The following MPHOSPH8 variants were observed in gnomAD, a reference collection of about 807,000 sequenced individuals.
The protein encoded by MPHOSPH8 is M-phase phosphoprotein 8, also known as M-phase phosphoprotein, mpp.
A neutral mutation model predicts 87.3 loss-of-function variants in MPHOSPH8; 45 were observed. The ratio of observed to expected loss-of-function variants is 0.52; its 90% CI spans 0.41 to 0.66. The LOEUF is 0.66. Ranked by LOEUF, MPHOSPH8 falls within the 30% of genes least tolerant of loss-of-function variation. The probability of loss-of-function intolerance (pLI) is 0.00; values close to 1 mark genes in which losing one functional copy is unlikely to be tolerated. For missense variants in MPHOSPH8, 883 were observed against 1,020.2 expected, an observed-to-expected ratio of 0.87 and a Z score of 1.83; for synonymous variants, 366 against 376.9, an observed-to-expected ratio of 0.97 and a Z score of 0.33.
chr13:19,640,882 T>C (rs1874251451), intron 1 of MPHOSPH8, among the ~76,000 whole-genome samples: 1 of 152,190 alleles, frequency 6.6e-6, no homozygotes, highest in African/African-American at 2.4e-5. Context: ...TGAAAAGTTA[T>C]AACAAAAAGT....
At position 19,646,865 on chromosome 13, in the gene MPHOSPH8, T is replaced by C; in HGVS notation, c.792T>C (p.Ser264=). Residue 264 remains serine, a synonymous_variant, in exon 3 of 14, where the codon TCT becomes TCC. Coordinates refer to ENST00000361479, the MANE Select transcript of MPHOSPH8 (RefSeq NM_017520.4). ...KEKFVESQVE[S]ESSVLNDSPF... is the part of the protein sequence containing the mutation. The stretch of plus-strand genomic sequence containing the variant: ...AATTTGTCGAATCCCAGGTGGAATC[T>C]GAATCAAGTGTACTTAATGATTCTC... 1.2e-6 allele frequency: 2 copies of C among 1,605,986 alleles called. No homozygotes were observed. Among genetic ancestry groups the C allele is most frequent in the Non-Finnish European group, 1.7e-6 (2 of 1,178,284 alleles).
At chr13:19,638,827 G>A (rs1212972468) in intron 1 of MPHOSPH8, among the ~76,000 whole-genome samples, 4 of 152,006 alleles carry the variant, frequency 2.6e-5, no homozygotes, top group African/African-American at 7.3e-5. Context: ...AATCAGGCAA[G>A]TGTTAAGTGT....
chr13:19,640,787 C>G (rs532187682), intron 1 of MPHOSPH8, among the ~76,000 whole-genome samples: 2 of 150,994 alleles, frequency 1.3e-5, no homozygotes, highest in African/African-American at 2.4e-5. Context: ...TTTATAAGTA[C>G]AAAAAAAATG....
chr13:19,636,236 A>T (rs1874000028), intron 1 of MPHOSPH8, among the ~76,000 whole-genome samples: 1 of 152,172 alleles, frequency 6.6e-6, no homozygotes, highest in Non-Finnish European at 1.5e-5. Context: ...GCCATTGACA[A>T]ACTTAAGGGT....
chr13:19,634,041 G>A, intron 1 of MPHOSPH8, 80 bp downstream of exon 1: 1 of 1,420,850 alleles, frequency 7.0e-7, no homozygotes, highest in Non-Finnish European at 9.7e-7. Flanking sequence ...AAACAGCACG[G>A]GCAGACCCAA....
chr13:19,657,803 T>C (rs1446294993), intron 5 of MPHOSPH8, among the ~76,000 whole-genome samples: 2 of 152,088 alleles, frequency 1.3e-5, no homozygotes, highest in Admixed American at 1.3e-4. Flanking sequence ...CCACAATCTT[T>C]CCACATTGCT....
chr13:19,672,175 G>A lies in MPHOSPH8; in HGVS notation c.*300G>A, dbSNP rs1348849067. ...TTCTTTTTTCTGGAGACGGAGTTTC[G>A]CTCTTGTTGCCCAGGCTGGAGTGCA... On this transcript the variant is annotated 3_prime_UTR_variant, in exon 14 of 14. Transcript: ENST00000361479. The A allele has an allele frequency of 6.9e-6, 2 of 287,840 alleles. No individual in the cohort carries two copies. Among genetic ancestry groups the A allele is most frequent in the Non-Finnish European group, 1.3e-5 (2 of 150,790 alleles). The allele number at this position is 287,840 out of a possible 1,614,324, so 17.8% of individuals were successfully genotyped here.
intron 5 of MPHOSPH8, among the ~76,000 whole-genome samples, chr13:19,655,765 C>T (rs1020584205): frequency 5.9e-5 from 9 of 152,076 alleles, no homozygotes; most frequent in African/African-American, 2.2e-4. Flanking sequence ...AAGGTCTACT[C>T]AGTACAGTAA....
At chr13:19,660,101 C>T (rs1875438092) in intron 7 of MPHOSPH8, among the ~76,000 whole-genome samples, 1 of 151,236 alleles carries the variant, frequency 6.6e-6, no homozygotes, top group Non-Finnish European at 1.5e-5. Flanking sequence ...AGCTGGACTA[C>T]AGTTGCCTGC....
At chr13:19,666,632 A>G in intron 10 of MPHOSPH8, 53 bp downstream of exon 10, 1 of 1,469,874 alleles carries the variant, frequency 6.8e-7, no homozygotes, top group Non-Finnish European at 9.2e-7. Flanking sequence ...ACATCTGTTT[A>G]TGTAGACATA....
chr13:19,663,257 G>A (rs950750772), intron 9 of MPHOSPH8, 131 bp downstream of exon 9: 32 of 772,896 alleles, frequency 4.1e-5, no homozygotes, highest in Non-Finnish European at 6.1e-5. Context: ...AGAGTCAGCC[G>A]CTTGCAGGGG....
rs1565941804 is a variant in MPHOSPH8, at chr13:19,661,709, A to C, written c.1803A>C (p.Gly601=). The C allele has an allele frequency of 1.2e-6, 2 of 1,600,764 alleles. No individual in the cohort carries two copies. Among genetic ancestry groups the C allele is most frequent in the Non-Finnish European group, 1.7e-6 (2 of 1,171,382 alleles). ...EYNLDQEDSS[G]MTLVMLAAAG... ...ACAAACCAACACAGGATTCCAGTGG[A>C]ATGACACTGGTGATGCTTGCCGCCG... is the stretch of plus-strand genomic sequence containing the variant. The change falls in exon 8 of 14, where the codon GGA becomes GGC. Residue 601 remains glycine (G), a synonymous_variant. Transcript: ENST00000361479.
chr13:19,654,102 C>T (rs1335323098), intron 5 of MPHOSPH8, among the ~76,000 whole-genome samples: 5 of 152,166 alleles, frequency 3.3e-5, no homozygotes, highest in African/African-American at 1.2e-4. Flanking sequence ...AAGACGTAAT[C>T]ATCAGATTCA....
Position 19,671,972 on chromosome 13 carries a change from T to A in MPHOSPH8, c.*97T>A. The A allele has an allele frequency of 7.7e-7, 1 of 1,302,600 alleles. No homozygotes were observed. The highest frequency in any genetic ancestry group is 1.1e-6 in the Non-Finnish European group (1 of 906,798). 80.7% of individuals were successfully genotyped at this position (1,302,600 alleles called of 1,614,324 possible). On this transcript the variant is annotated 3_prime_UTR_variant, in exon 14 of 14. Coordinates refer to ENST00000361479, the MANE Select transcript of MPHOSPH8 (RefSeq NM_017520.4). ...TCTTCTAGCACATCTATGTAAAGTT[T>A]TGTCTGTAAACCTCTTGCAGTTAAG...
chr13:19,638,111 A>G (rs991593731), intron 1 of MPHOSPH8, among the ~76,000 whole-genome samples: 1 of 151,910 alleles, frequency 6.6e-6, no homozygotes, highest in Non-Finnish European at 1.5e-5. Flanking sequence ...AAAAAAAAAA[A>G]AAAGTTGTAT....
At chr13:19,667,288 C>T (rs781742054) in intron 10 of MPHOSPH8, among the ~76,000 whole-genome samples, 53 of 152,112 alleles carry the variant, frequency 3.5e-4, no homozygotes, top group Non-Finnish European at 6.3e-4. Context: ...CAAGCCTCCC[C>T]ACCGCCATCC....
At chr13:19,657,758 TATCTC>T (rs1875275544) in intron 5 of MPHOSPH8, among the ~76,000 whole-genome samples, 1 of 152,144 alleles carries the variant, frequency 6.6e-6, no homozygotes, top group Non-Finnish European at 1.5e-5. Flanking sequence ...TTGGTGGTAT[TATCTC>T]AGTTCATAAA....
At chr13:19,641,003 G>A (rs1301345029) in intron 1 of MPHOSPH8, among the ~76,000 whole-genome samples, 2 of 151,954 alleles carry the variant, frequency 1.3e-5, no homozygotes, top group Admixed American at 1.3e-4. Context: ...AGATCAAATT[G>A]TTTTCAGTAT....
At chr13:19,636,014 T>G (rs1873987766) in intron 1 of MPHOSPH8, among the ~76,000 whole-genome samples, 1 of 152,170 alleles carries the variant, frequency 6.6e-6, no homozygotes, top group Non-Finnish European at 1.5e-5. Flanking sequence ...TGCTTCTCCT[T>G]TGCCTTCCGC....
Sources: allele counts gnomAD v4.1 joint callset (sites outside exome capture counted in the v4.1 genomes callset), GRCh38; gene constraint gnomAD v4.1.1; transcripts MANE v1.5; gene names NCBI Gene and HGNC (gene_info 2026-07-23, HGNC 2026-07-21).